TMEM120B: variants seen among roughly 807,000 people sequenced by gnomAD.
TMEM120B encodes transmembrane protein 120B.
Under a neutral mutation model 55.5 loss-of-function variants are expected in TMEM120B, and 31 were observed. The ratio of observed to expected loss-of-function variants is 0.56; its 90% CI spans 0.42 to 0.75. The LOEUF is 0.75. Among genes scored for constraint, TMEM120B ranks in the 30% least tolerant of loss-of-function variants. The pLI, the probability that TMEM120B is intolerant of heterozygous loss-of-function variation, is 0.00. For missense variants in TMEM120B, 399 were observed against 425.5 expected, an observed-to-expected ratio of 0.94 and a Z score of 0.55; for synonymous variants, 203 against 176.3, an observed-to-expected ratio of 1.15 and a Z score of -1.20.
Position 121,773,491 on chromosome 12 carries a change from G to C in TMEM120B, c.750G>C (p.Arg250Ser). ...ACCGGCTGCGGGCCCTGGGGGAGAG[G>C]AACCACCTGGATCTCACAGTGGGTG... ...CLYRLRALGE[R>S]NHLDLTVEGF... The change falls in exon 9 of 12, where the codon AGG becomes AGC. Residue 250 changes from arginine to serine, a missense_variant. Transcript: ENST00000449592. 1 of 1,603,478 alleles carries C rather than the reference G, an allele frequency of 6.2e-7. No individual in the cohort carries two copies. The highest frequency in any genetic ancestry group is 8.5e-7 in the Non-Finnish European group (1 of 1,174,310).
chr12:121,717,143 C>G (rs1330435622), intron 1 of TMEM120B, among the ~76,000 whole-genome samples: 3 of 152,250 alleles, frequency 2.0e-5, no homozygotes. Context: ...CCAGTGTGCT[C>G]CTGGTCTCCT....
intron 5 of TMEM120B, among the ~76,000 whole-genome samples, chr12:121,757,287 G>A (rs1033550151): frequency 6.6e-5 from 10 of 151,720 alleles, no homozygotes; most frequent in Non-Finnish European, 1.5e-4. Flanking sequence ...TCAGCATCCC[G>A]AGTAGCTGAG....
intron 1 of TMEM120B, among the ~76,000 whole-genome samples, chr12:121,729,071 C>T (rs1386353599): frequency 6.6e-6 from 1 of 152,234 alleles, no homozygotes; most frequent in Non-Finnish European, 1.5e-5. Flanking sequence ...AACCCTGCTT[C>T]TAGCCACATT....
At position 121,775,017 on chromosome 12, in the gene TMEM120B, G is replaced by A; in HGVS notation, c.838-45G>A. The A allele has an allele frequency of 6.2e-7, 1 of 1,609,538 alleles. No homozygotes were observed. The highest frequency in any genetic ancestry group is 8.5e-7 in the Non-Finnish European group (1 of 1,177,134). On this transcript the variant is annotated intron_variant, in intron 10 of 11. Coordinates refer to ENST00000449592, the MANE Select transcript of TMEM120B (RefSeq NM_001080825.2). This position sits in a 1 kb window ranked among gnomAD's most constrained non-coding sequence, Gnocchi z 4.3. ...ATCACCCTGGCTTTCTACGTGGCCG[G>A]CCAGGGGAGTCTGGTGGGTGAGCAG... is the stretch of plus-strand genomic sequence containing the variant.
intron 1 of TMEM120B, among the ~76,000 whole-genome samples, chr12:121,713,580 A>T (rs1046270715): frequency 1.6e-4 from 25 of 152,118 alleles, no homozygotes; most frequent in African/African-American, 5.8e-4. Flanking sequence ...ACCCAGTGAT[A>T]GGGGAAACTC....
At chr12:121,722,415 A>G (rs908942928) in intron 1 of TMEM120B, among the ~76,000 whole-genome samples, 10 of 152,312 alleles carry the variant, frequency 6.6e-5, no homozygotes, top group Admixed American at 6.5e-4. Context: ...ACATTTTTAT[A>G]AGTAATACAT....
chr12:121,747,201 C>G (rs1363286369), intron 2 of TMEM120B, among the ~76,000 whole-genome samples: 1 of 151,466 alleles, frequency 6.6e-6, no homozygotes, highest in Non-Finnish European at 1.5e-5. Context: ...GGCAGCATCA[C>G]TCCTCCAACC....
At position 121,775,748 on chromosome 12, in the gene TMEM120B, C is replaced by G. The variant is rs369734434; in HGVS notation, c.*26C>G. On this transcript the variant is annotated 3_prime_UTR_variant, in exon 12 of 12. Transcript: ENST00000449592. The surrounding 1 kb of genome is among the most constrained non-coding windows in gnomAD (Gnocchi z 4.3). ...GCCTCGGGCTCCTGTGCCCTCGGCC[C>G]GGACTTCAGACTGCAGGGGGCTCCC... 3.1e-6 allele frequency: 5 copies of G among 1,611,922 alleles called. No homozygotes were observed. Among genetic ancestry groups the G allele is most frequent in the East Asian group, 4.5e-5 (2 of 44,840 alleles).
At chr12:121,722,837 T>C (rs938103349) in intron 1 of TMEM120B, among the ~76,000 whole-genome samples, 9 of 137,318 alleles carry the variant, frequency 6.6e-5, no homozygotes, top group Non-Finnish European at 1.4e-4. Flanking sequence ...GTGGGCAGTT[T>C]TTTAAATTTA....
At chr12:121,755,283 C>T (rs544546588) in intron 5 of TMEM120B, among the ~76,000 whole-genome samples, 28 of 152,318 alleles carry the variant, frequency 1.8e-4, no homozygotes, top group African/African-American at 6.5e-4. Context: ...CTGCCACTCA[C>T]GGGCTTTGTG....
chr12:121,752,643 C>T (rs1045907520), intron 5 of TMEM120B, among the ~76,000 whole-genome samples: 2 of 152,006 alleles, frequency 1.3e-5, no homozygotes, highest in Admixed American at 6.6e-5. Context: ...GTCCCAGCTA[C>T]TCGGAAGGGT....
At position 121,746,228 on chromosome 12, in the gene TMEM120B, C is replaced by T. The variant is rs1411733790; in HGVS notation, c.189-2098C>T. 6.7e-5 allele frequency among the ~76,000 whole-genome samples: 10 copies of T among 148,706 alleles called. No homozygotes were observed. The East Asian group carries it at 8.0e-4, about 12-fold the overall frequency. ...TTGAGACAGAGTTTCGCTCTTGTTG[C>T]CCAGGCTGGAGTGCAATGGTGCGAT... On this transcript the variant is annotated intron_variant, in intron 2 of 11. Coordinates refer to ENST00000449592, the MANE Select transcript of TMEM120B (RefSeq NM_001080825.2).
At chr12:121,767,678 T>C (rs1386371802) in intron 6 of TMEM120B, among the ~76,000 whole-genome samples, 2 of 152,160 alleles carry the variant, frequency 1.3e-5, no homozygotes, top group Non-Finnish European at 2.9e-5. Context: ...CATAAACACA[T>C]GTGCACACAA....
At chr12:121,763,828 ACACC>A (rs766556442) in intron 6 of TMEM120B, among the ~76,000 whole-genome samples, 24 of 152,248 alleles carry the variant, frequency 1.6e-4, no homozygotes, top group Non-Finnish European at 3.2e-4. Flanking sequence ...CTAGTGAGGA[ACACC>A]CAGGAGCTGC....
At chr12:121,738,216 G>A (rs1238119416) in intron 1 of TMEM120B, among the ~76,000 whole-genome samples, 4 of 151,776 alleles carry the variant, frequency 2.6e-5, no homozygotes, top group African/African-American at 4.8e-5. Flanking sequence ...CCGAGATTGC[G>A]CCACTGGACT....
chr12:121,747,039 A>G (rs1483701249), intron 2 of TMEM120B, among the ~76,000 whole-genome samples: 1 of 152,178 alleles, frequency 6.6e-6, no homozygotes, highest in African/African-American at 2.4e-5. Context: ...ACTATCAAGT[A>G]TTATTCTAGA....
At chr12:121,765,772 C>T (rs1263300686) in intron 6 of TMEM120B, among the ~76,000 whole-genome samples, 1 of 152,142 alleles carries the variant, frequency 6.6e-6, no homozygotes, top group Non-Finnish European at 1.5e-5. Context: ...GAGATTTAGC[C>T]TCCGCCCTCC....
At position 121,776,086 on chromosome 12, in the gene TMEM120B, C is replaced by T. The variant is rs534531664; in HGVS notation, c.*364C>T. 7 of 537,186 alleles carry T rather than the reference C, an allele frequency of 1.3e-5. No individual in the cohort carries two copies. Among genetic ancestry groups the T allele is most frequent in the Admixed American group, 7.2e-5 (2 of 27,700 alleles). 33.3% of individuals were successfully genotyped at this position (537,186 alleles called of 1,614,324 possible). ...CTGGGTGGGGTTTGGATGTGCCTCG[C>T]GGGGTTGGATTTATGCTGACCTGCT... is the stretch of plus-strand genomic sequence containing the variant. On this transcript the variant is annotated 3_prime_UTR_variant, in exon 12 of 12. Coordinates refer to ENST00000449592, the MANE Select transcript of TMEM120B (RefSeq NM_001080825.2).
In TMEM120B at chr12:121,775,808, C is replaced by T. The variant is rs1227277528; in HGVS notation, c.*86C>T. 1 of 1,437,988 alleles carries T rather than the reference C, an allele frequency of 7.0e-7. No individual in the cohort carries two copies. Among genetic ancestry groups the T allele is most frequent in the Non-Finnish European group, 9.6e-7 (1 of 1,038,466 alleles). 89.1% of individuals were successfully genotyped at this position (1,437,988 alleles called of 1,614,324 possible). A position where few individuals can be genotyped will look rare whatever the true frequency, so the allele number is the denominator to read the frequency against. ...CCCAGCAGCCCTCTCAGGCCCGTGG[C>T]ATCGCTGGGAGAGGGCCCAGGCCCT... On this transcript the variant is annotated 3_prime_UTR_variant, in exon 12 of 12. Transcript: ENST00000449592. The surrounding 1 kb of genome is among the most constrained non-coding windows in gnomAD (Gnocchi z 4.3).
Sources: gnomAD v4.1 joint callset for allele counts (sites outside exome capture counted in the v4.1 genomes callset) on GRCh38, gnomAD v4.1.1 for gene constraint, Gnocchi (gnomAD v3.1) non-coding constraint, MANE v1.5 for transcripts, NCBI Gene and HGNC (gene_info 2026-07-23, HGNC 2026-07-21) for gene names.